NLGN1: variants seen among roughly 807,000 people sequenced by gnomAD.
NLGN1 encodes the protein neuroligin-1.
Under a neutral mutation model 65.5 loss-of-function variants are expected in NLGN1, and 12 were observed. That is an observed-to-expected ratio of 0.18 (90% confidence interval 0.12 to 0.30). The LOEUF (loss-of-function observed/expected upper bound fraction) is 0.30. NLGN1 is among the 10% of genes least tolerant of loss of function. The pLI, the probability that NLGN1 is intolerant of heterozygous loss-of-function variation, is 1.00. For synonymous variants in NLGN1, 350 were observed against 359.5 expected (o/e 0.97, Z 0.30); for missense variants, 750 against 1,007.1 (o/e 0.74, Z 3.46).
At chr3:173,428,534 T>G (rs649695) in intron 1 of NLGN1, among the ~76,000 whole-genome samples, 47,836 of 151,788 alleles carry the variant, frequency 0.32, 8,004 homozygotes, top group Middle Eastern at 0.42. Context: ...TTGACTCAAA[T>G]AAAAGAAAAA....
rs772256230 is a variant in NLGN1 at position 173,499,835 on chromosome 3, C to T, written c.-321+64757C>T. On this transcript the variant is annotated intron_variant, in intron 2 of 6. Coordinates refer to ENST00000457714, the Ensembl canonical transcript of NLGN1. ...TGAAGCAATTGTGAATGGGAGTTCA[C>T]TCATGATTTGGCTCTCTGTTTGTCT... 7.7e-4 allele frequency among the ~76,000 whole-genome samples: 116 copies of T among 150,656 alleles called. 2 individuals carry two copies. The highest frequency in any genetic ancestry group is 2.6e-3 in the African/African-American group (106 of 40,100).
At chr3:173,860,854 G>T (rs890182617) in intron 4 of NLGN1, among the ~76,000 whole-genome samples, 3 of 152,154 alleles carry the variant, frequency 2.0e-5, no homozygotes, top group Non-Finnish European at 4.4e-5. Context: ...GGGGTTACCT[G>T]CTCATGTGAC....
At chr3:174,003,044 T>G (rs1187117421) in intron 4 of NLGN1, among the ~76,000 whole-genome samples, 1 of 151,998 alleles carries the variant, frequency 6.6e-6, no homozygotes, top group African/African-American at 2.4e-5. Context: ...AGCAGAAAGT[T>G]GAGGATGAGT....
intron 2 of NLGN1, among the ~76,000 whole-genome samples, chr3:173,522,648 T>C (rs1415140656): frequency 6.6e-6 from 1 of 152,188 alleles, no homozygotes; most frequent in Non-Finnish European, 1.5e-5. Flanking sequence ...TTAGCCAGGA[T>C]GGTCTCGATC....
chr3:174,290,158 A>T (rs1448970101), downstream of NLGN1, among the ~76,000 whole-genome samples: 2 of 150,758 alleles, frequency 1.3e-5, no homozygotes, highest in Non-Finnish European at 3.0e-5. Flanking sequence ...TTAGGTGAGT[A>T]AGGGTCAGGA....
At chr3:173,760,306 T>C (rs1417492708) in intron 3 of NLGN1, among the ~76,000 whole-genome samples, 1 of 151,964 alleles carries the variant, frequency 6.6e-6, no homozygotes, top group African/African-American at 2.4e-5. Context: ...CTTCACAGTT[T>C]CTTGAGCAAT....
At position 173,747,213 on chromosome 3, in the gene NLGN1, A is replaced by G. The variant is rs967344859; in HGVS notation, c.494-60467A>G. On this transcript the variant is annotated intron_variant, in intron 3 of 6. Transcript: ENST00000457714. ...ATATATATATAATATATATATCTTT[A>G]AGTATATATATTTAAATATATATAT... Among the ~76,000 whole-genome samples the G allele has an allele frequency of 4.3e-5, 6 of 138,082 alleles. No homozygotes were observed. In the Admixed American group the frequency reaches 4.6e-4, roughly 11 times the overall value. 90.6% of individuals were successfully genotyped at this position (138,082 alleles called of 152,430 possible).
At chr3:173,584,880 C>G (rs1034066898) in intron 2 of NLGN1, 1 of 151,916 alleles carries the variant, frequency 6.6e-6, no homozygotes, top group African/African-American at 2.4e-5. Context: ...ACCGGGTGCT[C>G]GAGATTTCAA....
chr3:173,832,277 TAAAAG>T (rs1355574020), intron 4 of NLGN1, among the ~76,000 whole-genome samples: 2 of 152,218 alleles, frequency 1.3e-5, no homozygotes, highest in Admixed American at 1.3e-4. Context: ...ACTTCATTCT[TAAAAG>T]AAAATTATTT....
intron 2 of NLGN1, among the ~76,000 whole-genome samples, chr3:173,579,242 G>T (rs567740197): frequency 6.6e-6 from 1 of 152,340 alleles, no homozygotes; most frequent in South Asian, 2.1e-4. Flanking sequence ...GCACAGCCAA[G>T]GTGGGCAGAT....
intron 3 of NLGN1, among the ~76,000 whole-genome samples, chr3:173,769,427 G>A (rs1371771528): frequency 1.3e-5 from 2 of 151,930 alleles, no homozygotes; most frequent in Non-Finnish European, 2.9e-5. Context: ...ACATATGAGG[G>A]CCATGTGTTT....
At chr3:173,764,208 G>GT (rs1049631292) in intron 3 of NLGN1, among the ~76,000 whole-genome samples, 4 of 152,120 alleles carry the variant, frequency 2.6e-5, no homozygotes, top group African/African-American at 9.7e-5. Context: ...AGTAGAGAAG[G>GT]TTTTTTAAAA....
intron 3 of NLGN1, among the ~76,000 whole-genome samples, chr3:173,731,945 C>G (rs1772927578): frequency 6.6e-6 from 1 of 151,910 alleles, no homozygotes; most frequent in Non-Finnish European, 1.5e-5. Context: ...AAATCATAAT[C>G]ATTATGGTGT....
chr3:173,400,101 A>G (rs1717382597), intron 1 of NLGN1, among the ~76,000 whole-genome samples: 1 of 152,202 alleles, frequency 6.6e-6, no homozygotes, highest in African/African-American at 2.4e-5. Flanking sequence ...TGTAACATAT[A>G]CCTTTGCCAC....
intron 1 of NLGN1, among the ~76,000 whole-genome samples, chr3:173,420,307 A>G (rs998850642): frequency 4.7e-5 from 7 of 149,804 alleles, no homozygotes; most frequent in Non-Finnish European, 1.0e-4. Context: ...ATTCCCGCCT[A>G]TGAGTGAGAA....
chr3:173,678,497 G>A (rs76532435), intron 3 of NLGN1, among the ~76,000 whole-genome samples: 502 of 152,148 alleles, frequency 3.3e-3, no homozygotes, highest in African/African-American at 0.012. Flanking sequence ...TGAAGGAATC[G>A]TAGGAATTAA....
chr3:174,237,709 A>G (rs1047104767), intron 4 of NLGN1, among the ~76,000 whole-genome samples: 6 of 152,128 alleles, frequency 3.9e-5, no homozygotes, highest in African/African-American at 1.4e-4. Context: ...GGCACCCACC[A>G]TAATGTGTGG....
At chr3:173,979,409 A>G (rs1442657479) in intron 4 of NLGN1, among the ~76,000 whole-genome samples, 1 of 152,176 alleles carries the variant, frequency 6.6e-6, no homozygotes, top group Non-Finnish European at 1.5e-5. Context: ...TGAAATTTAG[A>G]GTACATGTTT....
At chr3:174,135,989 C>T (rs771151685) in intron 4 of NLGN1, among the ~76,000 whole-genome samples, 2 of 151,962 alleles carry the variant, frequency 1.3e-5, no homozygotes, top group Non-Finnish European at 2.9e-5. Flanking sequence ...AAAATTCTAC[C>T]TCTCGCTTCT....
Sources: gnomAD v4.1 joint callset for allele counts (sites outside exome capture counted in the v4.1 genomes callset) on GRCh38, gnomAD v4.1.1 for gene constraint, MANE v1.5 for transcripts, NCBI Gene and HGNC (gene_info 2026-07-23, HGNC 2026-07-21) for gene names.